CSMD1: variants seen among roughly 807,000 people sequenced by gnomAD.
CSMD1 encodes the protein CUB and Sushi multiple domains 1, also known as CUB and sushi domain-containing protein 1.
In CSMD1, 213 loss-of-function variants were observed where a neutral mutation model predicts 417.5. The ratio of observed to expected loss-of-function variants is 0.51; its 90% CI spans 0.46 to 0.57. The LOEUF is 0.57. CSMD1 is among the 20% of genes least tolerant of loss of function. The pLI, the probability that CSMD1 is intolerant of heterozygous loss-of-function variation, is 0.00. For missense variants in CSMD1, 6,923 were observed against 4,529.7 expected (o/e 1.53, Z -15.17); for synonymous variants, 2,862 against 1,736.8 (o/e 1.65, Z -16.11).
chr8:3,788,544 C>T (rs1014831564), intron 5 of CSMD1, among the ~76,000 whole-genome samples: 1 of 152,126 alleles, frequency 6.6e-6, no homozygotes, highest in Non-Finnish European at 1.5e-5. Context: ...TTTATTCAAC[C>T]ATCCATCCAT....
chr8:4,382,681 G>A (rs1187732803), intron 3 of CSMD1, among the ~76,000 whole-genome samples: 3 of 152,136 alleles, frequency 2.0e-5, no homozygotes, highest in African/African-American at 7.2e-5. Flanking sequence ...CATAAATAAT[G>A]TAAATTAAGA....
At chr8:3,781,828 C>G (rs756504930) in intron 5 of CSMD1, among the ~76,000 whole-genome samples, 1 of 152,116 alleles carries the variant, frequency 6.6e-6, no homozygotes, top group Non-Finnish European at 1.5e-5. Context: ...TGATTTTGCT[C>G]TCTATACTTC....
At chr8:4,959,069 T>C (rs1422528079) in intron 1 of CSMD1, among the ~76,000 whole-genome samples, 1 of 152,180 alleles carries the variant, frequency 6.6e-6, no homozygotes, top group East Asian at 1.9e-4. Flanking sequence ...TGGAAGATGA[T>C]TTCATCTAGA....
chr8:3,806,253 A>G lies in CSMD1; in HGVS notation c.819-52211T>C, dbSNP rs951467784. Among the ~76,000 whole-genome samples, 3 of 152,140 alleles carry G rather than the reference A, an allele frequency of 2.0e-5. No homozygotes were observed. The South Asian group carries it at 6.2e-4, about 31-fold the overall frequency. ...TATGGAGTACATGCAGGTTGTTTTC[A>G]CAGTAGGATGGAAGGCCTAGTTTTC... On this transcript the variant is annotated intron_variant, in intron 5 of 69. Coordinates refer to ENST00000635120, the MANE Select transcript of CSMD1 (RefSeq NM_033225.6).
intron 1 of CSMD1, among the ~76,000 whole-genome samples, chr8:4,673,082 G>C (rs1805432041): frequency 6.6e-6 from 1 of 151,702 alleles, no homozygotes. Context: ...CACACAAGGT[G>C]AAACAACACA....
chr8:4,482,351 T>A (rs1046827593), intron 2 of CSMD1, among the ~76,000 whole-genome samples: 2 of 152,122 alleles, frequency 1.3e-5, no homozygotes, highest in African/African-American at 4.8e-5. Flanking sequence ...CGGTATTCGG[T>A]TTTCTGTTCC....
In CSMD1 at chr8:4,934,390, C is replaced by G. The variant is rs140777168; in HGVS notation, c.85+59942G>C. ...TGAAAATATTGTTTTATGAAGCCAT[C>G]AAGAATAATAATTCAGGAAGGCATT... On this transcript the variant is annotated intron_variant, in intron 1 of 69. Transcript: ENST00000635120. Among the ~76,000 whole-genome samples the G allele has an allele frequency of 6.9e-3, 1,052 of 152,238 alleles. 11 individuals carry two copies. The highest frequency in any genetic ancestry group is 0.024 in the African/African-American group (1,006 of 41,530).
intron 1 of CSMD1, among the ~76,000 whole-genome samples, chr8:4,664,393 C>T (rs1270435612): frequency 1.3e-5 from 2 of 152,030 alleles, no homozygotes; most frequent in Non-Finnish European, 2.9e-5. Flanking sequence ...AACCCCATGT[C>T]TACAGTAGAA....
intron 6 of CSMD1, among the ~76,000 whole-genome samples, chr8:3,735,065 A>G (rs969215989): frequency 7.9e-5 from 12 of 152,184 alleles, no homozygotes; most frequent in Admixed American, 7.9e-4. Flanking sequence ...TGGACATGGG[A>G]GGACACACGC....
intron 3 of CSMD1, among the ~76,000 whole-genome samples, chr8:4,293,357 G>C (rs140465590): frequency 6.6e-6 from 1 of 152,146 alleles, no homozygotes; most frequent in South Asian, 2.1e-4. Context: ...TATCTTACTA[G>C]TAAGTCCAAT....
intron 3 of CSMD1, among the ~76,000 whole-genome samples, chr8:4,145,100 G>C (rs529185674): frequency 6.6e-6 from 1 of 151,082 alleles, no homozygotes; most frequent in South Asian, 2.1e-4. Context: ...ATGTAACTTG[G>C]TTAAGAATAT....
intron 12 of CSMD1, among the ~76,000 whole-genome samples, chr8:3,447,381 A>T (rs1232614163): frequency 2.6e-5 from 4 of 152,212 alleles, no homozygotes; most frequent in African/African-American, 9.6e-5. Context: ...AAAAGAAGAA[A>T]AAAAAAGATG....
intron 50 of CSMD1, among the ~76,000 whole-genome samples, chr8:3,044,448 C>T (rs1811304169): frequency 6.6e-6 from 1 of 152,162 alleles, no homozygotes; most frequent in African/African-American, 2.4e-5. Context: ...TAGTTTTTCA[C>T]TGGAAGGCTA....
At chr8:4,591,745 G>A (rs986228639) in intron 2 of CSMD1, among the ~76,000 whole-genome samples, 1 of 152,092 alleles carries the variant, frequency 6.6e-6, no homozygotes, top group African/African-American at 2.4e-5. Context: ...GTGAAGTGAG[G>A]GGATAGGATC....
intron 5 of CSMD1, among the ~76,000 whole-genome samples, chr8:3,988,363 G>C (rs571155189): frequency 7.2e-5 from 11 of 152,306 alleles, no homozygotes; most frequent in African/African-American, 2.2e-4. Flanking sequence ...ATGTTTTTCA[G>C]TTTGGAGGAA....
intron 10 of CSMD1, among the ~76,000 whole-genome samples, chr8:3,539,766 A>T (rs1291815605): frequency 5.8e-5 from 8 of 137,882 alleles, no homozygotes; most frequent in African/African-American, 2.7e-4. Context: ...TTTATGATAA[A>T]AAAAAAAAAA....
At chr8:3,586,095 GA>G in intron 9 of CSMD1, 40 bp downstream of exon 9, 1 of 1,587,480 alleles carries the variant, frequency 6.3e-7, no homozygotes, top group Non-Finnish European at 8.6e-7. Context: ...CAACCTTAAA[GA>G]AAGAGATAAT....
At chr8:4,157,168 A>G (rs1016856841) in intron 3 of CSMD1, among the ~76,000 whole-genome samples, 2 of 152,148 alleles carry the variant, frequency 1.3e-5, no homozygotes, top group Non-Finnish European at 2.9e-5. Context: ...ACATCAGAAG[A>G]AGATTTTGGG....
At chr8:4,260,284 G>C (rs946211720) in intron 3 of CSMD1, among the ~76,000 whole-genome samples, 1 of 152,034 alleles carries the variant, frequency 6.6e-6, no homozygotes, top group South Asian at 2.1e-4. Flanking sequence ...GTTTGTATTT[G>C]TTCATTGAAC....
Sources: allele counts gnomAD v4.1 joint callset (sites outside exome capture counted in the v4.1 genomes callset), GRCh38; gene constraint gnomAD v4.1.1; transcripts MANE v1.5; gene names NCBI Gene and HGNC (gene_info 2026-07-23, HGNC 2026-07-21).